SDR42E2: variants seen among roughly 807,000 people sequenced by gnomAD.
SDR42E2 encodes putative short-chain dehydrogenase/reductase family 42E member 2.
A neutral mutation model predicts 10.5 loss-of-function variants in SDR42E2; 20 were observed. That is an observed-to-expected ratio of 1.90 (90% CI 1.34 to 2.77). The LOEUF is 2.77. Ranked by LOEUF, SDR42E2 falls within the 30% of genes most tolerant of loss-of-function variation. SDR42E2 has a pLI of 0.00. For missense variants in SDR42E2, 162 were observed against 104.2 expected (o/e 1.55, Z -2.42); for synonymous variants, 72 against 39.2 (o/e 1.84, Z -3.12).
intron 11 of SDR42E2, among the ~76,000 whole-genome samples, chr16:22,186,360 C>A (rs2046736897): frequency 6.6e-6 from 1 of 152,116 alleles, no homozygotes; most frequent in South Asian, 2.1e-4. Flanking sequence ...GCATGTGCCA[C>A]CACGCCCGGC....
chr16:22,163,836 C>T (rs1469495548), intron 1 of SDR42E2, among the ~76,000 whole-genome samples: 1 of 152,118 alleles, frequency 6.6e-6, no homozygotes, highest in East Asian at 1.9e-4. Flanking sequence ...TGCCAGAGTC[C>T]CTGCCCTGTG....
At position 22,187,027 on chromosome 16, in the gene SDR42E2, A is replaced by C. The variant is rs544011737; in HGVS notation, c.1014+233A>C. Among the ~76,000 whole-genome samples, 4 of 152,252 alleles carry C rather than the reference A, an allele frequency of 2.6e-5. No homozygotes were observed. The South Asian group carries it at 8.3e-4, about 32-fold the overall frequency. On this transcript the variant is annotated intron_variant, in intron 12 of 12. Transcript: ENST00000602312. ...GTGCTTTCTGGGTCTGAAATGTGAC[A>C]GCTCCAAGCCTATCCATCATCACTG...
Position 22,167,328 on chromosome 16 carries a change from G to T in SDR42E2, c.336+329G>T, listed in dbSNP as rs147442052. On this transcript the variant is annotated intron_variant, in intron 4 of 12. Transcript: ENST00000602312. Reference sequence around the variant, plus strand: ...AGCCTCCTGAGTAGCTGGGATTACAGGTGCCACCAACACGCCCAGCTAATT... The same window carrying T: ...AGCCTCCTGAGTAGCTGGGATTACATGTGCCACCAACACGCCCAGCTAATT... Among the ~76,000 whole-genome samples the T allele has an allele frequency of 1.6e-3, 246 of 151,838 alleles. 3 individuals carry two copies. The highest frequency in any genetic ancestry group is 0.01 in the Middle Eastern group (3 of 294).
rs1398157876 is a variant in SDR42E2 at position 22,166,209 on chromosome 16, T to C, written c.56-41T>C. 9.7e-6 allele frequency: 4 copies of C among 412,228 alleles called. No individual in the cohort carries two copies. In the East Asian group the frequency reaches 1.4e-4, roughly 15 times the overall value. 25.5% of individuals were successfully genotyped at this position (412,228 alleles called of 1,614,324 possible). A position where few individuals can be genotyped will look rare whatever the true frequency, so the allele number is the denominator to read the frequency against. ...CTGGGCTCAGACAGGGGTCTGGGACTGGGCCCAGACCCAGTGAGTCAACAA... is the reference window on the plus strand; with the variant it reads ...CTGGGCTCAGACAGGGGTCTGGGACCGGGCCCAGACCCAGTGAGTCAACAA... On this transcript the variant is annotated intron_variant, in intron 2 of 12. Coordinates refer to ENST00000602312, the MANE Select transcript of SDR42E2 (RefSeq NM_001394319.2).
At chr16:22,177,349 G>A (rs1053904631) in intron 7 of SDR42E2, among the ~76,000 whole-genome samples, 5 of 152,086 alleles carry the variant, frequency 3.3e-5, no homozygotes, top group South Asian at 4.1e-4. Context: ...GAACAAGGCC[G>A]GGCGCGGTGG....
At chr16:22,179,389 C>T (rs1227453954) in intron 8 of SDR42E2, among the ~76,000 whole-genome samples, 1 of 152,168 alleles carries the variant, frequency 6.6e-6, no homozygotes, top group African/African-American at 2.4e-5. Flanking sequence ...CGAATACTTA[C>T]GAACTCCTAG....
intron 8 of SDR42E2, 71 bp from the exon 9 acceptor site, chr16:22,181,448 C>T (rs1200250118): frequency 2.4e-5 from 17 of 699,730 alleles, no homozygotes; most frequent in South Asian, 2.2e-4. Context: ...CCTGGGGAGT[C>T]ATCAGCATCT....
At chr16:22,182,978 C>G (rs966356427) in intron 10 of SDR42E2, among the ~76,000 whole-genome samples, 1 of 152,022 alleles carries the variant, frequency 6.6e-6, no homozygotes. Flanking sequence ...GCACTCCAGC[C>G]TGGGTAACAG....
intron 12 of SDR42E2, 138 bp from the exon 13 acceptor site, chr16:22,190,001 C>T: frequency 2.5e-6 from 1 of 399,550 alleles, no homozygotes; most frequent in East Asian, 3.6e-5. Context: ...GAGCAAGACG[C>T]TGCACTCGGG....
chr16:22,178,434 G>A (rs1050319724), intron 8 of SDR42E2, among the ~76,000 whole-genome samples: 8 of 152,214 alleles, frequency 5.3e-5, no homozygotes, highest in African/African-American at 1.9e-4. Flanking sequence ...GCCAAGCCAA[G>A]GCACGGGTAG....
rs1567238327 is a variant in SDR42E2, at chr16:22,169,512, C to T, written c.394+10C>T. The T allele has an allele frequency of 4.3e-6, 3 of 703,362 alleles. No individual in the cohort carries two copies. The highest frequency in any genetic ancestry group is 4.0e-5 in the Admixed American group (2 of 49,986). 43.6% of individuals were successfully genotyped at this position (703,362 alleles called of 1,614,324 possible). A position where few individuals can be genotyped will look rare whatever the true frequency, so the allele number is the denominator to read the frequency against. ...AAACTAGTGATTGATGGTAGGTGCT[C>T]AGAGCCGGGTATGACCTGCTGTGCC... On this transcript the variant is annotated intron_variant, in intron 5 of 12. Coordinates refer to ENST00000602312, the MANE Select transcript of SDR42E2 (RefSeq NM_001394319.2).
At chr16:22,171,858 G>A (rs1342233386) in intron 6 of SDR42E2, among the ~76,000 whole-genome samples, 1 of 152,116 alleles carries the variant, frequency 6.6e-6, no homozygotes, top group Non-Finnish European at 1.5e-5. Context: ...AACCCAGTAT[G>A]GTAACACTAT....
chr16:22,181,782 C>A, intron 9 of SDR42E2, 126 bp downstream of exon 9: 1 of 621,672 alleles, frequency 1.6e-6, no homozygotes, highest in Non-Finnish European at 2.9e-6. Context: ...GTGGGACTCT[C>A]AGCCCAGGGG....
rs1423773980 is a variant in SDR42E2, at chr16:22,166,953, A to G, written c.290A>G (p.Asp97Gly). 7.0e-5 allele frequency: 49 copies of G among 701,926 alleles called. No individual in the cohort carries two copies. The highest frequency in any genetic ancestry group is 1.0e-5 in the Non-Finnish European group (4 of 384,430). The allele number at this position is 701,926 out of a possible 1,614,324, so 43.5% of individuals were successfully genotyped here. A position where few individuals can be genotyped will look rare whatever the true frequency, so the allele number is the denominator to read the frequency against. Residue 97 changes from aspartate (D) to glycine (G), a missense_variant, in exon 4 of 13, where the codon GAC (aspartate) becomes GGC (glycine). Coordinates refer to ENST00000602312, the MANE Select transcript of SDR42E2 (RefSeq NM_001394319.2). ...EALYRAFEGV[D>G]CVFHVASYGM... ...CTGTACCGTGCCTTCGAAGGGGTGGACTGTGTCTTCCACGTGGCTTCCTAT... is the reference window on the plus strand; with the variant it reads ...CTGTACCGTGCCTTCGAAGGGGTGGGCTGTGTCTTCCACGTGGCTTCCTAT...
intron 7 of SDR42E2, among the ~76,000 whole-genome samples, chr16:22,176,230 C>T (rs1278120889): frequency 6.6e-6 from 1 of 152,100 alleles, no homozygotes; most frequent in African/African-American, 2.4e-5. Context: ...GTGATTCCCC[C>T]ACCCCAGCCT....
chr16:22,170,494 A>C (rs899857305), intron 5 of SDR42E2, among the ~76,000 whole-genome samples: 11 of 152,172 alleles, frequency 7.2e-5, no homozygotes, highest in Admixed American at 6.5e-4. Flanking sequence ...GTCTTTTTCT[A>C]AGTCTCCATC....
chr16:22,174,060 C>T (rs946050474), intron 7 of SDR42E2, among the ~76,000 whole-genome samples: 13 of 151,474 alleles, frequency 8.6e-5, no homozygotes, highest in African/African-American at 2.2e-4. Flanking sequence ...TCACTGGGTG[C>T]GGTGGCTCAC....
At chr16:22,177,593 A>C (rs2046655139) in intron 7 of SDR42E2, among the ~76,000 whole-genome samples, 1 of 152,126 alleles carries the variant, frequency 6.6e-6, no homozygotes, top group Admixed American at 6.6e-5. Context: ...GCGCCACTGC[A>C]TTGCAGCCTG....
intron 1 of SDR42E2, among the ~76,000 whole-genome samples, 194 bp from the exon 2 acceptor site, chr16:22,165,353 G>T (rs1359470455): frequency 6.6e-6 from 1 of 152,138 alleles, no homozygotes; most frequent in Non-Finnish European, 1.5e-5. Context: ...CTCCCAAACT[G>T]CTGGGATTAC....
Sources: allele counts gnomAD v4.1 joint callset (sites outside exome capture counted in the v4.1 genomes callset), GRCh38; gene constraint gnomAD v4.1.1; transcripts MANE v1.5; gene names NCBI Gene and HGNC (gene_info 2026-07-23, HGNC 2026-07-21).